The following TXK variants were observed in gnomAD, a reference collection of about 807,000 sequenced individuals.
TXK encodes the protein tyrosine-protein kinase TXK.
A neutral mutation model predicts 81.0 loss-of-function variants in TXK; 60 were observed. The ratio of observed to expected loss-of-function variants is 0.74; its 90% CI spans 0.60 to 0.92. The LOEUF is 0.92. Ranked by LOEUF, TXK falls within the 40% of genes least tolerant of loss-of-function variation. The pLI, the probability that TXK is intolerant of heterozygous loss-of-function variation, is 0.00. For synonymous variants in TXK, 203 were observed against 210.7 expected, an observed-to-expected ratio of 0.96 and a Z score of 0.32; for missense variants, 581 against 638.3, an observed-to-expected ratio of 0.91 and a Z score of 0.97.
intron 1 of TXK, among the ~76,000 whole-genome samples, chr4:48,117,414 C>T (rs1032546603): frequency 6.6e-6 from 1 of 152,114 alleles, no homozygotes; most frequent in South Asian, 2.1e-4. Flanking sequence ...AAACAAAGTC[C>T]TCTTTGCTGT....
At chr4:48,083,111 G>T (rs905538633) in intron 10 of TXK, among the ~76,000 whole-genome samples, 1 of 152,204 alleles carries the variant, frequency 6.6e-6, no homozygotes, top group African/African-American at 2.4e-5. Context: ...AGCCATCTGC[G>T]GATCACAAGG....
At chr4:48,119,425 T>C (rs1175182396) in intron 1 of TXK, among the ~76,000 whole-genome samples, 1 of 152,208 alleles carries the variant, frequency 6.6e-6, no homozygotes, top group East Asian at 1.9e-4. Context: ...GATGGTCCAA[T>C]GGGAAACCTC....
intron 10 of TXK, among the ~76,000 whole-genome samples, chr4:48,081,235 C>A (rs983771347): frequency 3.9e-5 from 6 of 151,922 alleles, no homozygotes; most frequent in African/African-American, 1.5e-4. Flanking sequence ...TACTAATTTG[C>A]CACAAGAAAT....
At chr4:48,090,146 T>C (rs556563312) in intron 8 of TXK, among the ~76,000 whole-genome samples, 2 of 152,330 alleles carry the variant, frequency 1.3e-5, no homozygotes, top group Admixed American at 6.5e-5. Context: ...CATGAACACA[T>C]CCAATATATT....
chr4:48,094,007 G>A, intron 8 of TXK, 70 bp downstream of exon 8: 1 of 1,592,322 alleles, frequency 6.3e-7, no homozygotes, highest in Non-Finnish European at 8.6e-7. Flanking sequence ...TTGAGTGCCT[G>A]ATACCAAAGA....
At chr4:48,069,020 G>A (rs968344569) in intron 14 of TXK, among the ~76,000 whole-genome samples, 5 of 152,186 alleles carry the variant, frequency 3.3e-5, no homozygotes, top group Admixed American at 3.3e-4. Context: ...AAAGCTGTAG[G>A]CAATATCAAC....
intron 14 of TXK, among the ~76,000 whole-genome samples, chr4:48,070,984 C>T (rs1165202212): frequency 6.0e-5 from 9 of 149,536 alleles, no homozygotes; most frequent in African/African-American, 1.2e-4. Flanking sequence ...CTGCAAGCTC[C>T]GCCTCCCAGG....
intron 6 of TXK, among the ~76,000 whole-genome samples, chr4:48,099,345 A>C (rs550504752): frequency 4.6e-5 from 7 of 152,340 alleles, no homozygotes; most frequent in African/African-American, 1.4e-4. Context: ...GAAGAATACA[A>C]AAATGTTTGC....
At chr4:48,128,172 A>G (rs1159267168) in intron 1 of TXK, among the ~76,000 whole-genome samples, 2 of 152,206 alleles carry the variant, frequency 1.3e-5, no homozygotes, top group Admixed American at 6.5e-5. Flanking sequence ...TTCGTTTTGA[A>G]TCAGTGCCTT....
intron 14 of TXK, among the ~76,000 whole-genome samples, chr4:48,070,469 T>G (rs1203147327): frequency 6.6e-6 from 1 of 152,188 alleles, no homozygotes; most frequent in African/African-American, 2.4e-5. Context: ...CAAAGCAAAG[T>G]TGAGTGAAGT....
intron 11 of TXK, among the ~76,000 whole-genome samples, chr4:48,078,852 A>C (rs571457197): frequency 6.6e-6 from 1 of 152,360 alleles, no homozygotes; most frequent in East Asian, 1.9e-4. Context: ...TTGTATCTCC[A>C]GTGCTTAGCA....
At chr4:48,114,930 C>T (rs576029065) in intron 1 of TXK, among the ~76,000 whole-genome samples, 1 of 151,976 alleles carries the variant, frequency 6.6e-6, no homozygotes, top group South Asian at 2.1e-4. Context: ...ATCTGAGGAG[C>T]TTTAAAAAAA....
At chr4:48,118,880 T>C (rs981560676) in intron 1 of TXK, among the ~76,000 whole-genome samples, 1 of 152,132 alleles carries the variant, frequency 6.6e-6, no homozygotes, top group African/African-American at 2.4e-5. Context: ...AAGAGAAAAC[T>C]TGACATACTT....
At chr4:48,125,271 T>G (rs1375297188) in intron 1 of TXK, among the ~76,000 whole-genome samples, 1 of 152,210 alleles carries the variant, frequency 6.6e-6, no homozygotes, top group African/African-American at 2.4e-5. Flanking sequence ...CAAACATGGC[T>G]AGAACATACC....
chr4:48,077,601 C>G (rs1021494253), intron 11 of TXK, among the ~76,000 whole-genome samples: 11 of 151,974 alleles, frequency 7.2e-5, no homozygotes, highest in Non-Finnish European at 1.5e-4. Context: ...CAATTGTTAT[C>G]CGGAAAGACA....
At chr4:48,092,274 A>T (rs1717806546) in intron 8 of TXK, among the ~76,000 whole-genome samples, 1 of 152,118 alleles carries the variant, frequency 6.6e-6, no homozygotes, top group Non-Finnish European at 1.5e-5. Context: ...CTGGAGGAAA[A>T]CCAATATTTA....
intron 6 of TXK, among the ~76,000 whole-genome samples, chr4:48,097,422 C>CATT (rs1718023329): frequency 7.0e-6 from 1 of 141,870 alleles, no homozygotes; most frequent in East Asian, 2.1e-4. Flanking sequence ...AAAGCTACCA[C>CATT]TTTTTTTTTT....
At chr4:48,120,741 T>A (rs1718936293) in intron 1 of TXK, among the ~76,000 whole-genome samples, 1 of 152,162 alleles carries the variant, frequency 6.6e-6, no homozygotes, top group Admixed American at 6.5e-5. Flanking sequence ...TCTGCCCACC[T>A]AGGCCTCCCA....
chr4:48,071,725 G>A (rs763010854), intron 13 of TXK, 51 bp from the exon 14 acceptor site: 3 of 1,590,868 alleles, frequency 1.9e-6, no homozygotes, highest in African/African-American at 2.7e-5. Flanking sequence ...ATGATTGCTT[G>A]GGAACTGAAA....
Sources: gnomAD v4.1 joint callset for allele counts (sites outside exome capture counted in the v4.1 genomes callset) on GRCh38, gnomAD v4.1.1 for gene constraint, MANE v1.5 for transcripts, NCBI Gene and HGNC (gene_info 2026-07-23, HGNC 2026-07-21) for gene names.